ADAM23: variants seen among roughly 807,000 people sequenced by gnomAD.
ADAM23 encodes the protein disintegrin and metalloproteinase domain-containing protein 23.
In ADAM23, 33 loss-of-function variants were observed where a neutral mutation model predicts 120.1. The ratio of observed to expected loss-of-function variants is 0.27; its 90% CI spans 0.21 to 0.37. The LOEUF is 0.37. Ranked by LOEUF, ADAM23 falls within the 10% of genes least tolerant of loss-of-function variation. The pLI, the probability that ADAM23 is intolerant of heterozygous loss-of-function variation, is 1.00. For missense variants in ADAM23, 862 were observed against 1,058.2 expected (o/e 0.81, Z 2.57); for synonymous variants, 367 against 375.2 (o/e 0.98, Z 0.25).
At chr2:206,481,428 G>A (rs1409731737) in intron 3 of ADAM23, 120 bp downstream of exon 3, 1 of 651,192 alleles carries the variant, frequency 1.5e-6, no homozygotes, top group East Asian at 3.3e-5. Flanking sequence ...GATTATTATA[G>A]AGCATGTAAA....
intron 4 of ADAM23, among the ~76,000 whole-genome samples, chr2:206,535,114 C>G (rs1559252441): frequency 6.6e-6 from 1 of 152,134 alleles, no homozygotes; most frequent in Non-Finnish European, 1.5e-5. Context: ...GTAAGGCTAG[C>G]TACTCCTGGG....
intron 3 of ADAM23, among the ~76,000 whole-genome samples, chr2:206,486,636 C>A (rs1356323135): frequency 6.6e-6 from 1 of 152,074 alleles, no homozygotes; most frequent in Non-Finnish European, 1.5e-5. Flanking sequence ...TGATCTTGGG[C>A]AAGCTTCTTA....
At chr2:206,502,873 T>G (rs1229740172) in intron 3 of ADAM23, among the ~76,000 whole-genome samples, 2 of 152,212 alleles carry the variant, frequency 1.3e-5, no homozygotes, top group Non-Finnish European at 2.9e-5. Flanking sequence ...TGTACATTTT[T>G]ATATCTAACC....
intron 18 of ADAM23, among the ~76,000 whole-genome samples, chr2:206,573,403 TGAAGGTA>T (rs1449813398): frequency 6.6e-6 from 1 of 152,160 alleles, no homozygotes; most frequent in Non-Finnish European, 1.5e-5. Context: ...ACACATCGCC[TGAAGGTA>T]ATTTTATGTA....
intron 24 of ADAM23, among the ~76,000 whole-genome samples, chr2:206,602,207 A>G (rs1339329343): frequency 6.6e-6 from 1 of 152,216 alleles, no homozygotes; most frequent in Non-Finnish European, 1.5e-5. Context: ...CCAAGGATAT[A>G]TCAAGTTTAA....
intron 4 of ADAM23, among the ~76,000 whole-genome samples, chr2:206,540,269 A>ACACACC (rs1236030603): frequency 7.0e-6 from 1 of 142,336 alleles, no homozygotes; most frequent in Non-Finnish European, 1.5e-5. Context: ...ACACACACAC[A>ACACACC]GTTGTCCTTG....
At chr2:206,481,149 C>T (rs1055774311) in intron 2 of ADAM23, 83 bp from the exon 3 acceptor site, 12 of 1,033,798 alleles carry the variant, frequency 1.2e-5, no homozygotes, top group Admixed American at 5.5e-5. Context: ...AAAAGTTATT[C>T]GTCTTAAATA....
Position 206,588,128 on chromosome 2 carries a change from A to G in ADAM23, c.1826A>G (p.Asn609Ser). The G allele has an allele frequency of 1.2e-6, 2 of 1,614,026 alleles. No homozygotes were observed. Among genetic ancestry groups the G allele is most frequent in the Non-Finnish European group, 1.7e-6 (2 of 1,179,934 alleles). The change falls in exon 20 of 26, where the codon AAC (asparagine) becomes AGC (serine). Residue 609 changes from asparagine (N) to serine (S), a missense_variant. By Grantham distance (46) the Asn-to-Ser change is conservative (BLOSUM62 1). Around this residue, in one of 4 missense-constraint regions of ADAM23, gnomAD observed 617 missense variants for 813.5 expected, o/e 0.76. Transcript: ENST00000264377. ...CYNGECKTRD[N>S]QCQYIWGTKA... ...AATGGCGAGTGCAAGACCAGAGACA[A>G]CCAGTGTCAGTACATCTGGGGAACA...
intron 9 of ADAM23, among the ~76,000 whole-genome samples, chr2:206,554,254 A>C (rs1697593708): frequency 6.6e-6 from 1 of 152,186 alleles, no homozygotes; most frequent in South Asian, 2.1e-4. Flanking sequence ...AAATCCCTCA[A>C]TTTGGTAAAA....
intron 1 of ADAM23, among the ~76,000 whole-genome samples, chr2:206,445,052 A>G (rs955165556): frequency 6.7e-6 from 1 of 149,850 alleles, no homozygotes; most frequent in Non-Finnish European, 1.5e-5. Context: ...AAATGTATAT[A>G]TAAGACATAA....
intron 3 of ADAM23, among the ~76,000 whole-genome samples, chr2:206,518,976 A>G (rs753824332): frequency 1.3e-5 from 2 of 152,302 alleles, no homozygotes; most frequent in South Asian, 4.1e-4. Flanking sequence ...GCCTAGGTGT[A>G]TATTTAAGGT....
chr2:206,464,723 A>T (rs1695506531), intron 2 of ADAM23, among the ~76,000 whole-genome samples: 1 of 152,142 alleles, frequency 6.6e-6, no homozygotes, highest in South Asian at 2.1e-4. Flanking sequence ...ACTCCCCCAT[A>T]GGACATTTGG....
intron 4 of ADAM23, among the ~76,000 whole-genome samples, chr2:206,534,890 C>T (rs544069034): frequency 2.6e-5 from 4 of 152,212 alleles, no homozygotes; most frequent in African/African-American, 9.6e-5. Context: ...CTCATTCTTG[C>T]TCAGGGAAGG....
At chr2:206,474,496 T>G (rs1325911893) in intron 2 of ADAM23, among the ~76,000 whole-genome samples, 1 of 152,202 alleles carries the variant, frequency 6.6e-6, no homozygotes, top group African/African-American at 2.4e-5. Flanking sequence ...TATTCTTTTT[T>G]CTCTTTTTCC....
At chr2:206,505,183 C>A (rs960901209) in intron 3 of ADAM23, among the ~76,000 whole-genome samples, 2 of 152,150 alleles carry the variant, frequency 1.3e-5, no homozygotes, top group Non-Finnish European at 2.9e-5. Flanking sequence ...TGGTTTTCAC[C>A]TCCAGAATTG....
chr2:206,502,472 G>A (rs1467204875), intron 3 of ADAM23, among the ~76,000 whole-genome samples: 1 of 151,842 alleles, frequency 6.6e-6, no homozygotes, highest in African/African-American at 2.4e-5. Flanking sequence ...TTTTTCCATC[G>A]ACTTTGAAGA....
chr2:206,594,883 G>A lies in ADAM23; in HGVS notation c.2225G>A (p.Gly742Asp), dbSNP rs1698492445. 4 of 1,614,022 alleles carry A rather than the reference G, an allele frequency of 2.5e-6. No individual in the cohort carries two copies. Among genetic ancestry groups the A allele is most frequent in the Non-Finnish European group, 3.4e-6 (4 of 1,179,920 alleles). The change falls in exon 23 of 26, where the codon GGT (glycine) becomes GAT (aspartate). Residue 742 changes from glycine (G) to aspartate (D), a missense_variant. Physicochemically the swap from Gly to Asp is moderately conservative, Grantham distance 94. This residue lies in a region of ADAM23 where 617 missense variants were observed against 813.5 expected (regional missense o/e 0.76). Coordinates refer to ENST00000264377, the MANE Select transcript of ADAM23 (RefSeq NM_003812.4). Reference sequence around the variant, plus strand: ...AGCAGCTGTCCACTCGATTCCAAGGGTAAAGTCTGTTCGGGCCATGGGGTA... The same window carrying A: ...AGCAGCTGTCCACTCGATTCCAAGGATAAAGTCTGTTCGGGCCATGGGGTA... The part of the protein sequence containing the change: ...NMSSCPLDSK[G>D]KVCSGHGVCS...
intron 3 of ADAM23, among the ~76,000 whole-genome samples, chr2:206,518,942 T>G (rs1255265132): frequency 6.6e-6 from 1 of 152,204 alleles, no homozygotes; most frequent in East Asian, 1.9e-4. Flanking sequence ...ACGTGTGTGT[T>G]AATAGTCCTC....
intron 2 of ADAM23, among the ~76,000 whole-genome samples, chr2:206,447,206 A>G (rs1213902686): frequency 6.6e-6 from 1 of 152,198 alleles, no homozygotes; most frequent in Non-Finnish European, 1.5e-5. Context: ...GACTTCCGTG[A>G]TAATAAGGTT....
Sources: allele counts gnomAD v4.1 joint callset (sites outside exome capture counted in the v4.1 genomes callset), GRCh38; gene constraint gnomAD v4.1.1; regional missense constraint gnomAD v4.1.1; transcripts MANE v1.5; gene names NCBI Gene and HGNC (gene_info 2026-07-23, HGNC 2026-07-21).